CRADD: variants seen among roughly 807,000 people sequenced by gnomAD.
The protein encoded by CRADD is death domain-containing protein CRADD.
In CRADD, 9 loss-of-function variants were observed where a neutral mutation model predicts 15.5. The observed-to-expected ratio is 0.58, with a 90% CI of 0.35 to 1.01. The LOEUF is 1.01. CRADD is among the 50% of genes least tolerant of loss of function. CRADD has a pLI of 0.02. For missense variants in CRADD, 227 were observed against 250.3 expected, an observed-to-expected ratio of 0.91 and a Z score of 0.63; for synonymous variants, 118 against 107.6, an observed-to-expected ratio of 1.10 and a Z score of -0.60.
intron 2 of CRADD, among the ~76,000 whole-genome samples, chr12:93,759,809 A>G (rs566949102): frequency 2.0e-4 from 30 of 152,372 alleles, no homozygotes; most frequent in African/African-American, 7.2e-4. Flanking sequence ...AATTCCACAG[A>G]TAGGCAGAAG....
intron 2 of CRADD, among the ~76,000 whole-genome samples, chr12:93,713,757 T>C (rs1051807574): frequency 2.6e-5 from 4 of 152,228 alleles, no homozygotes; most frequent in Non-Finnish European, 5.9e-5. Context: ...AAAGACTTAG[T>C]ATGAAAAAAT....
intron 2 of CRADD, among the ~76,000 whole-genome samples, chr12:93,733,178 A>G (rs1035484748): frequency 6.6e-6 from 1 of 152,220 alleles, no homozygotes; most frequent in East Asian, 1.9e-4. Context: ...ATCAAAGAAC[A>G]TGTTAAGGCT....
intron 2 of CRADD, among the ~76,000 whole-genome samples, chr12:93,774,951 G>C (rs1957125803): frequency 6.6e-6 from 1 of 152,132 alleles, no homozygotes; most frequent in Admixed American, 6.5e-5. Context: ...ATGGAGGCAG[G>C]GTCTTGAAGA....
chr12:93,831,566 C>T (rs1246294749), intron 2 of CRADD, among the ~76,000 whole-genome samples: 4 of 152,118 alleles, frequency 2.6e-5, no homozygotes, highest in Admixed American at 1.3e-4. Flanking sequence ...CAGCTGCTAC[C>T]CAAAATGCAA....
intron 2 of CRADD, among the ~76,000 whole-genome samples, chr12:93,776,251 A>G (rs1186250694): frequency 6.6e-6 from 1 of 152,102 alleles, no homozygotes; most frequent in Admixed American, 6.6e-5. Flanking sequence ...ATTTAAATTT[A>G]TTTTCTTAAT....
intron 2 of CRADD, among the ~76,000 whole-genome samples, chr12:93,787,330 T>TA (rs1491513643): frequency 1.5e-5 from 2 of 130,836 alleles, no homozygotes; most frequent in African/African-American, 6.1e-5. Flanking sequence ...TTTTTTTTTT[T>TA]AATATCACAT....
intron 2 of CRADD, among the ~76,000 whole-genome samples, chr12:93,835,547 A>C (rs915460060): frequency 3.3e-5 from 5 of 152,122 alleles, no homozygotes; most frequent in Non-Finnish European, 5.9e-5. Context: ...TGGGTTCTCT[A>C]CTTCAGGAAT....
At chr12:93,681,734 C>T (rs147832141) in intron 2 of CRADD, among the ~76,000 whole-genome samples, 68 of 152,304 alleles carry the variant, frequency 4.5e-4, no homozygotes, top group Non-Finnish European at 7.6e-4. Context: ...CCAACCCCCA[C>T]GCAGTGAAAA....
At chr12:93,894,742 G>A (rs1422678223), downstream of CRADD, 1 of 153,176 alleles carries the variant, frequency 6.5e-6, no homozygotes, top group African/African-American at 2.4e-5. Context: ...TGGTATTTGG[G>A]GACGGCTGTT....
intron 2 of CRADD, among the ~76,000 whole-genome samples, chr12:93,707,370 G>A (rs1009088055): frequency 1.4e-4 from 21 of 152,232 alleles, no homozygotes; most frequent in African/African-American, 4.8e-4. Flanking sequence ...CAGCTGGGCA[G>A]TTTGTCTCTG....
chr12:93,760,779 A>G (rs1261975090), intron 2 of CRADD, among the ~76,000 whole-genome samples: 1 of 151,554 alleles, frequency 6.6e-6, no homozygotes, highest in East Asian at 1.9e-4. Context: ...GAATCGCCTT[A>G]CTCTTCAGGT....
At chr12:93,869,545 A>T (rs1468096608) in intron 2 of CRADD, among the ~76,000 whole-genome samples, 1 of 152,206 alleles carries the variant, frequency 6.6e-6, no homozygotes, top group Non-Finnish European at 1.5e-5. Flanking sequence ...TTGTGGAGAC[A>T]TGAGGATTTC....
Position 93,703,288 on chromosome 12 carries a change from A to G in CRADD, c.298+24216A>G, listed in dbSNP as rs552231217. Among the ~76,000 whole-genome samples the G allele has an allele frequency of 1.5e-4, 23 of 152,156 alleles. No individual in the cohort carries two copies. The South Asian group carries it at 4.8e-3, about 32-fold the overall frequency. Reference sequence around the variant, plus strand: ...GGTATAGTCAACCACAAATCAGTTGATGAAGTCTCAAATTTTGGCAGTCTC... The same window carrying G: ...GGTATAGTCAACCACAAATCAGTTGGTGAAGTCTCAAATTTTGGCAGTCTC... On this transcript the variant is annotated intron_variant, in intron 2 of 2. Transcript: ENST00000332896.
chr12:93,697,830 G>A (rs763737692), intron 2 of CRADD, among the ~76,000 whole-genome samples: 32 of 152,170 alleles, frequency 2.1e-4, no homozygotes, highest in Non-Finnish European at 4.1e-4. Context: ...GACCCAAAGA[G>A]ATGGTTAAAC....
intron 2 of CRADD, among the ~76,000 whole-genome samples, chr12:93,700,115 A>G (rs1456716461): frequency 1.1e-4 from 16 of 152,198 alleles, no homozygotes; most frequent in Non-Finnish European, 1.3e-4. Context: ...ACATCTCAGG[A>G]TGCCTTGCTA....
intron 2 of CRADD, among the ~76,000 whole-genome samples, chr12:93,812,522 C>CA (rs34615107): frequency 0.025 from 3,112 of 124,300 alleles, 69 homozygotes; most frequent in African/African-American, 0.061. Flanking sequence ...TAAAAAAATA[C>CA]AAAAAAAAAA....
chr12:93,837,954 C>G (rs1351638328), intron 2 of CRADD: 1 of 152,104 alleles, frequency 6.6e-6, no homozygotes, highest in East Asian at 1.9e-4. Context: ...AGTGCGAGCT[C>G]AATTATTGCT....
rs1207739624 is a variant in CRADD at position 93,867,405 on chromosome 12, T to TATATATATATATATA, written c.299-26645_299-26644insATATATATATATATA. Among the ~76,000 whole-genome samples, 746 of 101,986 alleles carry TATATATATATATATA rather than the reference T, an allele frequency of 7.3e-3. 68 individuals are homozygous for TATATATATATATATA. Among genetic ancestry groups the TATATATATATATATA allele is most frequent in the African/African-American group, 0.016 (498 of 31,900 alleles). The allele number at this position is 101,986 out of a possible 152,430, so 66.9% of individuals were successfully genotyped here. ...GTATTTGACATATATATATATATAT[T>TATATATATATATATA]TTTTAAACTTGGAAGTCCAAGATCA... On this transcript the variant is annotated intron_variant, in intron 2 of 2. Coordinates refer to the CRADD transcript ENST00000548483.
chr12:93,844,471 G>A (rs1958089332), intron 2 of CRADD, among the ~76,000 whole-genome samples: 1 of 152,144 alleles, frequency 6.6e-6, no homozygotes, highest in Non-Finnish European at 1.5e-5. Context: ...GTGGGGTGGT[G>A]CTTATGTGCC....
Sources: allele counts gnomAD v4.1 joint callset (sites outside exome capture counted in the v4.1 genomes callset), GRCh38; gene constraint gnomAD v4.1.1; transcripts MANE v1.5; gene names NCBI Gene and HGNC (gene_info 2026-07-23, HGNC 2026-07-21).